The following MRPS11 variants were observed in gnomAD, a reference collection of about 807,000 sequenced individuals.
MRPS11 encodes mitochondrial ribosomal protein S11.
A neutral mutation model predicts 24.3 loss-of-function variants in MRPS11; 27 were observed. The ratio of observed to expected loss-of-function variants is 1.11; its 90% CI spans 0.82 to 1.53. The LOEUF (loss-of-function observed/expected upper bound fraction) is 1.53. Ranked by LOEUF, MRPS11 falls within the 40% of genes most tolerant of loss-of-function variation. The probability of loss-of-function intolerance (pLI) is 0.00; values close to 1 mark genes in which losing one functional copy is unlikely to be tolerated. For missense variants in MRPS11, 277 were observed against 256.5 expected (o/e 1.08, Z -0.55); for synonymous variants, 104 against 98.7 (o/e 1.05, Z -0.32).
At position 88,473,229 on chromosome 15, in the gene MRPS11, G is replaced by A. The variant is rs190149079; in HGVS notation, c.281+504G>A. Among the ~76,000 whole-genome samples the A allele has an allele frequency of 7.7e-4, 118 of 152,352 alleles. 1 individual carries two copies. Among genetic ancestry groups the A allele is most frequent in the African/African-American group, 2.5e-3 (104 of 41,580 alleles). On this transcript the variant is annotated intron_variant, in intron 3 of 5. Coordinates refer to ENST00000325844, the MANE Select transcript of MRPS11 (RefSeq NM_022839.5). ...CCACCTTGTAGAGCTAAATGTGGATGGTGAGTTTAAAGTGACAAGACTAGT... is the reference window on the plus strand; with the variant it reads ...CCACCTTGTAGAGCTAAATGTGGATAGTGAGTTTAAAGTGACAAGACTAGT...
chr15:88,472,800 C>A, intron 3 of MRPS11, 75 bp downstream of exon 3: 1 of 1,222,934 alleles, frequency 8.2e-7, no homozygotes, highest in Non-Finnish European at 1.2e-6. Context: ...CAGGCTTGGC[C>A]CTGAATACCC....
At position 88,478,147 on chromosome 15, in the gene MRPS11, G is replaced by GA. The variant is rs1350381493; in HGVS notation, c.*169dup. 4.9e-6 allele frequency: 3 copies of GA among 613,710 alleles called. No individual in the cohort carries two copies. The East Asian group carries it at 8.3e-5, about 17-fold the overall frequency. The allele number at this position is 613,710 out of a possible 1,614,324, so 38.0% of individuals were successfully genotyped here. On this transcript the variant is annotated 3_prime_UTR_variant, in exon 6 of 6. Coordinates refer to ENST00000325844, the MANE Select transcript of MRPS11 (RefSeq NM_022839.5). The surrounding 1 kb of genome is among the most constrained non-coding windows in gnomAD (Gnocchi z 4.7). ...TGGCCTTTGCTTGCACCTCCAGCTGGAGATGGGTGTGCCCCAGAAGTAAGC... is the reference window on the plus strand; with the variant it reads ...TGGCCTTTGCTTGCACCTCCAGCTGGAAGATGGGTGTGCCCCAGAAGTAAGC...
At chr15:88,468,508 A>AACAAACATTT in intron 2 of MRPS11, 1 of 989,822 alleles carries the variant, frequency 1.0e-6, no homozygotes. Flanking sequence ...ACATCCACTT[A>AACAAACATTT]ACTTCACATC....
chr15:88,468,114 C>T lies in MRPS11; in HGVS notation c.182+90C>T. 8.0e-6 allele frequency: 12 copies of T among 1,506,130 alleles called. No homozygotes were observed. The South Asian group carries it at 1.5e-4, about 19-fold the overall frequency. The allele number at this position is 1,506,130 out of a possible 1,614,324, so 93.3% of individuals were successfully genotyped here. Reference sequence around the variant, plus strand: ...AGAGTCAGAACCAGTGAATTTTCAGCTATGTCACTTGCTATCCGTGGGACC... The same window carrying T: ...AGAGTCAGAACCAGTGAATTTTCAGTTATGTCACTTGCTATCCGTGGGACC... On this transcript the variant is annotated intron_variant, in intron 2 of 5. Transcript: ENST00000325844.
intron 2 of MRPS11, 188 bp downstream of exon 2, chr15:88,468,212 C>T: frequency 7.0e-7 from 1 of 1,433,048 alleles, no homozygotes; most frequent in Non-Finnish European, 9.2e-7. Flanking sequence ...TTGTGAGAAT[C>T]AGATGAGCCG....
Position 88,472,626 on chromosome 15 carries a change from G to A in MRPS11, c.183-1G>A. 1 of 1,611,538 alleles carries A rather than the reference G, an allele frequency of 6.2e-7. No homozygotes were observed. The highest frequency in any genetic ancestry group is 8.5e-7 in the Non-Finnish European group (1 of 1,178,066). Reference sequence around the variant, plus strand: ...AAATAAAATCTTTCTTCTAATTGCAGCATTTACCCTCCCATTCCAGGAGAG... The same window carrying A: ...AAATAAAATCTTTCTTCTAATTGCAACATTTACCCTCCCATTCCAGGAGAG... On this transcript the variant is annotated splice_acceptor_variant, in intron 2 of 5. Transcript: ENST00000325844. LOFTEE classifies it high-confidence loss of function.
Position 88,468,259 on chromosome 15 carries a change from T to A in MRPS11, c.182+235T>A, listed in dbSNP as rs28427880. 1,569 of 1,357,994 alleles carry A rather than the reference T, an allele frequency of 1.2e-3. 23 individuals are homozygous for A. The African/African-American group carries it at 0.021, about 18-fold the overall frequency. 84.1% of individuals were successfully genotyped at this position (1,357,994 alleles called of 1,614,324 possible). A position where few individuals can be genotyped will look rare whatever the true frequency, so the allele number is the denominator to read the frequency against. ...AAATGTTCAGTGAACATTCGTTAAA[T>A]CAATGAGTGAATGTGAGATATCCAT... On this transcript the variant is annotated intron_variant, in intron 2 of 5. Transcript: ENST00000325844.
Position 88,467,780 on chromosome 15 carries a change from C to T in MRPS11, c.63C>T (p.Ala21=). The T allele has an allele frequency of 1.6e-5, 26 of 1,614,098 alleles. No individual in the cohort carries two copies. Among genetic ancestry groups the T allele is most frequent in the Non-Finnish European group, 2.2e-5 (26 of 1,180,032 alleles). Residue 21 remains alanine (A), a splice_region_variant and synonymous_variant, in exon 1 of 6, where the codon GCC becomes GCT. Transcript: ENST00000325844. ...FLRSWTWPQT[A]GRVVARTPAG... ...GGTCCTGGACTTGGCCCCAGACAGCCGGGTAACAAATGACTGCCCCCTCGA... is the reference window on the plus strand; with the variant it reads ...GGTCCTGGACTTGGCCCCAGACAGCTGGGTAACAAATGACTGCCCCCTCGA...
chr15:88,472,504 T>C (rs983055595), intron 2 of MRPS11, 123 bp from the exon 3 acceptor site: 1 of 713,070 alleles, frequency 1.4e-6, no homozygotes. Context: ...AAAGGAATGG[T>C]GGGGGCAGCC....
intron 4 of MRPS11, 124 bp from the exon 5 acceptor site, chr15:88,476,865 C>T: frequency 1.1e-6 from 1 of 914,596 alleles, no homozygotes. Flanking sequence ...CCTTTGCCTC[C>T]CTGTTTACTT....
At position 88,478,261 on chromosome 15, in the gene MRPS11, G is replaced by C. The variant is rs916376932; in HGVS notation, c.*282G>C. The C allele has an allele frequency of 2.5e-6, 1 of 406,146 alleles. No individual in the cohort carries two copies. The highest frequency in any genetic ancestry group is 4.4e-6 in the Non-Finnish European group (1 of 226,184). The allele number at this position is 406,146 out of a possible 1,614,324, so 25.2% of individuals were successfully genotyped here. A position where few individuals can be genotyped will look rare whatever the true frequency, so the allele number is the denominator to read the frequency against. On this transcript the variant is annotated 3_prime_UTR_variant, in exon 6 of 6. Transcript: ENST00000325844. This position sits in a 1 kb window ranked among gnomAD's most constrained non-coding sequence, Gnocchi z 4.7. ...GAGAAAATAAATATCTGTACCACCT[G>C]TCATAATTTTGAGATTTTTTGCTTT... is the stretch of plus-strand genomic sequence containing the variant.
rs760325552 is a variant in MRPS11, at chr15:88,475,850, G to A, written c.411+611G>A. 4.6e-5 allele frequency among the ~76,000 whole-genome samples: 7 copies of A among 152,074 alleles called. No individual in the cohort carries two copies. Among genetic ancestry groups the A allele is most frequent in the South Asian group, 2.1e-4 (1 of 4,828 alleles). On this transcript the variant is annotated intron_variant, in intron 4 of 5. Coordinates refer to ENST00000325844, the MANE Select transcript of MRPS11 (RefSeq NM_022839.5). The surrounding 1 kb of genome is among the most constrained non-coding windows in gnomAD (Gnocchi z 4.1). Reference sequence around the variant, plus strand: ...TGCGCGCCTGTAGTCCCAGGTACTCGGGAGGCTGAGGCAGGAGAATCACTT... The same window carrying A: ...TGCGCGCCTGTAGTCCCAGGTACTCAGGAGGCTGAGGCAGGAGAATCACTT...
rs377150211 is a variant in MRPS11 at position 88,467,914 on chromosome 15, C to G, written c.72C>G (p.Val24=). Residue 24 remains valine, a synonymous_variant, in exon 2 of 6, where the codon GTC becomes GTG. Transcript: ENST00000325844. ...ACCGAGCTTTTCTTCCCAGCAGGGT[C>G]GTGGCCAGAACGCCGGCCGGGACCA... ...SWTWPQTAGR[V]VARTPAGTIC... 5 of 1,613,722 alleles carry G rather than the reference C, an allele frequency of 3.1e-6. No individual in the cohort carries two copies. The Admixed American group carries it at 5.0e-5, about 16-fold the overall frequency.
Position 88,475,267 on chromosome 15 carries a change from C to G in MRPS11, c.411+28C>G, listed in dbSNP as rs2055798698. The G allele has an allele frequency of 1.2e-6, 2 of 1,613,482 alleles. No homozygotes were observed. The highest frequency in any genetic ancestry group is 1.3e-5 in the African/African-American group (1 of 74,928). Reference sequence around the variant, plus strand: ...AAGTGTGTGTTCCTTCTGCTTCCTTCTAGTGTGTGTTTGCTTTCTGCATGG... The same window carrying G: ...AAGTGTGTGTTCCTTCTGCTTCCTTGTAGTGTGTGTTTGCTTTCTGCATGG... On this transcript the variant is annotated intron_variant, in intron 4 of 5. Coordinates refer to ENST00000325844, the MANE Select transcript of MRPS11 (RefSeq NM_022839.5). This position sits in a 1 kb window ranked among gnomAD's most constrained non-coding sequence, Gnocchi z 4.1.
In MRPS11 at chr15:88,472,644, C is replaced by T; in HGVS notation, c.200C>T (p.Pro67Leu). The T allele has an allele frequency of 1.9e-6, 3 of 1,613,528 alleles. No homozygotes were observed. Among genetic ancestry groups the T allele is most frequent in the South Asian group, 1.1e-5 (1 of 91,050 alleles). The stretch of plus-strand genomic sequence containing the variant: ...AATTGCAGCATTTACCCTCCCATTC[C>T]AGGAGAGGAGAGCTCTCTGAGGTGG... ...HTKFSIYPPI[P>L]GEESSLRWAG... The change falls in exon 3 of 6, where the codon CCA becomes CTA. Residue 67 changes from proline to leucine, a missense_variant. Pro to Leu is a moderately conservative substitution (Grantham distance 98). Coordinates refer to ENST00000325844, the MANE Select transcript of MRPS11 (RefSeq NM_022839.5).
Position 88,477,826 on chromosome 15 carries a change from C to T in MRPS11, c.478-46C>T. On this transcript the variant is annotated intron_variant, in intron 5 of 5. Transcript: ENST00000325844. This position sits in a 1 kb window ranked among gnomAD's most constrained non-coding sequence, Gnocchi z 5.7. ...ACCCTGCCTGGAGACACTGGATCAT[C>T]ATTTCTGGGACCATGTCATTCTACT... The T allele has an allele frequency of 1.3e-6, 2 of 1,561,500 alleles. No homozygotes were observed. The highest frequency in any genetic ancestry group is 1.8e-6 in the Non-Finnish European group (2 of 1,133,950).
chr15:88,474,479 A>C (rs12908878), intron 3 of MRPS11, among the ~76,000 whole-genome samples: 1 of 151,504 alleles, frequency 6.6e-6, no homozygotes, highest in Non-Finnish European at 1.5e-5. Flanking sequence ...GAATCACTTG[A>C]ACCCGGGAGG....
intron 2 of MRPS11, among the ~76,000 whole-genome samples, chr15:88,470,191 T>TA (rs2055660964): frequency 6.6e-6 from 1 of 152,156 alleles, no homozygotes; most frequent in Non-Finnish European, 1.5e-5. Context: ...GGCGTGGGTC[T>TA]ATAATCCCAG....
At position 88,469,986 on chromosome 15, in the gene MRPS11, A is replaced by AT. The variant is rs1336618463; in HGVS notation, c.182+1962_182+1963insT. Among the ~76,000 whole-genome samples the AT allele has an allele frequency of 1.3e-5, 2 of 152,186 alleles. No individual in the cohort carries two copies. Among genetic ancestry groups the AT allele is most frequent in the East Asian group, 3.9e-4 (2 of 5,192 alleles). On this transcript the variant is annotated intron_variant, in intron 2 of 5. Coordinates refer to ENST00000325844, the MANE Select transcript of MRPS11 (RefSeq NM_022839.5). This position sits in a 1 kb window ranked among gnomAD's most constrained non-coding sequence, Gnocchi z 4.4. ...AGTTGTTAAGGTTGAGATTCTTAATAAACATTCAAGTGGAGACACAATGTA... is the reference window on the plus strand; with the variant it reads ...AGTTGTTAAGGTTGAGATTCTTAATATAACATTCAAGTGGAGACACAATGTA...
Sources: allele counts gnomAD v4.1 joint callset (sites outside exome capture counted in the v4.1 genomes callset), GRCh38; gene constraint gnomAD v4.1.1; non-coding constraint Gnocchi (gnomAD v3.1); transcripts MANE v1.5; gene names NCBI Gene and HGNC (gene_info 2026-07-23, HGNC 2026-07-21).